Variants in ERGIC1 observed in about 807,000 individuals in gnomAD.
ERGIC1 encodes endoplasmic reticulum-golgi intermediate compartment 1, also known as endoplasmic reticulum-Golgi intermediate compartment protein 1.
ERGIC1 carries 19 observed loss-of-function variants against 38.3 expected under a neutral mutation model. The observed-to-expected ratio is 0.50, with a 90% CI of 0.35 to 0.73. The LOEUF (loss-of-function observed/expected upper bound fraction) is 0.73, where lower values mean the gene tolerates loss of function less well. ERGIC1 is among the 30% of genes least tolerant of loss of function. ERGIC1 has a pLI of 0.01. For synonymous variants in ERGIC1, 124 were observed against 157.6 expected (o/e 0.79, Z 1.60); for missense variants, 294 against 389.2 (o/e 0.76, Z 2.06).
chr5:172,858,451 T>G (rs1479421731), intron 1 of ERGIC1, among the ~76,000 whole-genome samples: 2 of 152,114 alleles, frequency 1.3e-5, no homozygotes, highest in African/African-American at 4.8e-5. Flanking sequence ...AAGGGGCCGG[T>G]GGTCTGCGCA....
At chr5:172,927,897 G>A (rs1296183313) in intron 7 of ERGIC1, among the ~76,000 whole-genome samples, 3 of 152,108 alleles carry the variant, frequency 2.0e-5, no homozygotes. Flanking sequence ...GTGTTTCACT[G>A]TGGCAATAAT....
intron 9 of ERGIC1, among the ~76,000 whole-genome samples, chr5:172,947,905 T>C (rs1764158010): frequency 6.6e-6 from 1 of 151,942 alleles, no homozygotes. Flanking sequence ...TGTGTGTGTG[T>C]GTGTGTGGTT....
intron 1 of ERGIC1, among the ~76,000 whole-genome samples, chr5:172,843,787 T>C (rs1416454220): frequency 2.6e-5 from 4 of 152,198 alleles, no homozygotes; most frequent in Non-Finnish European, 4.4e-5. Flanking sequence ...TTGAAATCCC[T>C]TCCTCAGTGT....
At chr5:172,937,065 A>G (rs1306098517) in intron 9 of ERGIC1, 1 of 152,184 alleles carries the variant, frequency 6.6e-6, no homozygotes, top group Non-Finnish European at 1.5e-5. Flanking sequence ...TGGTGCTTAC[A>G]TGAGCCTCAG....
intron 3 of ERGIC1, among the ~76,000 whole-genome samples, chr5:172,903,643 A>G (rs1762942230): frequency 6.6e-6 from 1 of 152,160 alleles, no homozygotes; most frequent in Non-Finnish European, 1.5e-5. Context: ...GATAAAAACC[A>G]TGGACATTTA....
At chr5:172,911,875 C>T (rs1038633243) in intron 4 of ERGIC1, among the ~76,000 whole-genome samples, 4 of 152,046 alleles carry the variant, frequency 2.6e-5, no homozygotes, top group Non-Finnish European at 5.9e-5. Context: ...GTACCCCTCC[C>T]CTGTCCCCCT....
intron 1 of ERGIC1, among the ~76,000 whole-genome samples, chr5:172,842,434 G>GGTT (rs1300078068): frequency 6.6e-6 from 1 of 152,164 alleles, no homozygotes; most frequent in African/African-American, 2.4e-5. Context: ...TAGACATTTA[G>GGTT]GTTGTTTCCA....
intron 9 of ERGIC1, among the ~76,000 whole-genome samples, chr5:172,943,514 C>G (rs1399331699): frequency 6.6e-6 from 1 of 152,182 alleles, no homozygotes; most frequent in Admixed American, 6.5e-5. Context: ...GCGGCGCCTC[C>G]TCCACACGCT....
chr5:172,896,162 G>A (rs1298143010), intron 2 of ERGIC1, among the ~76,000 whole-genome samples: 1 of 151,928 alleles, frequency 6.6e-6, no homozygotes, highest in Non-Finnish European at 1.5e-5. Flanking sequence ...GGCCAACATG[G>A]TGAAACCCCG....
chr5:172,852,744 A>G (rs1327192835), intron 1 of ERGIC1, among the ~76,000 whole-genome samples: 1 of 152,240 alleles, frequency 6.6e-6, no homozygotes, highest in Non-Finnish European at 1.5e-5. Flanking sequence ...TGGTAATGGT[A>G]CCTTCCTCCT....
intron 7 of ERGIC1, among the ~76,000 whole-genome samples, chr5:172,931,705 G>T (rs545727820): frequency 6.6e-6 from 1 of 152,238 alleles, no homozygotes; most frequent in Non-Finnish European, 1.5e-5. Context: ...AAAGCTGCCC[G>T]TGGTTCCTTG....
rs187751162 is a variant in ERGIC1, at chr5:172,946,674, G to C, written c.766-4035G>C. Among the ~76,000 whole-genome samples, 390 of 152,266 alleles carry C rather than the reference G, an allele frequency of 2.6e-3. 5 individuals are homozygous for C. The highest frequency in any genetic ancestry group is 1.9e-3 in the South Asian group (9 of 4,820). ...AGGTGTGAGAACGCCCTGGCACTGG[G>C]CATTTCTGAATCTTTCCATATGTCA... On this transcript the variant is annotated intron_variant, in intron 9 of 9. Coordinates refer to ENST00000393784, the MANE Select transcript of ERGIC1 (RefSeq NM_001031711.3).
At position 172,914,706 on chromosome 5, in the gene ERGIC1, T is replaced by C. The variant is rs1219266786; in HGVS notation, c.251-8T>C. 4.3e-6 allele frequency: 7 copies of C among 1,613,876 alleles called. No individual in the cohort carries two copies. Among genetic ancestry groups the C allele is most frequent in the East Asian group, 2.2e-5 (1 of 44,902 alleles). Reference sequence around the variant, plus strand: ...TTTGTGACTGTTGTCTCCCTTTGGCTCCTGCAGTGGTTGGGCTTGACATTC... The same window carrying C: ...TTTGTGACTGTTGTCTCCCTTTGGCCCCTGCAGTGGTTGGGCTTGACATTC... On this transcript the variant is annotated splice_polypyrimidine_tract_variant and splice_region_variant and intron_variant, in intron 4 of 9. Coordinates refer to ENST00000393784, the MANE Select transcript of ERGIC1 (RefSeq NM_001031711.3).
chr5:172,844,049 C>T (rs34716448), intron 1 of ERGIC1, among the ~76,000 whole-genome samples: 11,746 of 152,186 alleles, frequency 0.077, 620 homozygotes, highest in Middle Eastern at 0.12. Context: ...GGTAGGTGGA[C>T]GTGGTAAAAC....
intron 2 of ERGIC1, among the ~76,000 whole-genome samples, chr5:172,894,132 C>CTT (rs781661227): frequency 0.013 from 133 of 10,486 alleles, 11 homozygotes; most frequent in Non-Finnish European, 0.019. Flanking sequence ...GCTGATGATA[C>CTT]TTTTTTTTTT....
At chr5:172,900,728 A>T (rs1294821100) in intron 3 of ERGIC1, among the ~76,000 whole-genome samples, 1 of 151,256 alleles carries the variant, frequency 6.6e-6, no homozygotes, top group East Asian at 1.9e-4. Flanking sequence ...AAAACAAAAA[A>T]AAACATGAGG....
chr5:172,888,279 G>A (rs1030357255), intron 1 of ERGIC1, among the ~76,000 whole-genome samples: 1 of 151,982 alleles, frequency 6.6e-6, no homozygotes, highest in Non-Finnish European at 1.5e-5. Context: ...GGGCAACATG[G>A]CAAAACCCCG....
intron 1 of ERGIC1, among the ~76,000 whole-genome samples, chr5:172,883,937 C>T (rs907696852): frequency 6.6e-6 from 1 of 152,184 alleles, no homozygotes; most frequent in African/African-American, 2.4e-5. Context: ...TGAGTCATCA[C>T]ATCACTGCAC....
chr5:172,928,080 A>G (rs1009348840), intron 7 of ERGIC1, among the ~76,000 whole-genome samples: 2 of 152,058 alleles, frequency 1.3e-5, no homozygotes, highest in Non-Finnish European at 2.9e-5. Context: ...TGCCGTGGTC[A>G]TTGTCGTTTT....
Sources: gnomAD v4.1 joint callset for allele counts (sites outside exome capture counted in the v4.1 genomes callset) on GRCh38, gnomAD v4.1.1 for gene constraint, MANE v1.5 for transcripts, NCBI Gene and HGNC (gene_info 2026-07-23, HGNC 2026-07-21) for gene names.